RASSF3: variants seen among roughly 807,000 people sequenced by gnomAD.
The protein encoded by RASSF3 is ras association domain-containing protein 3.
A neutral mutation model predicts 19.9 loss-of-function variants in RASSF3; 19 were observed. The observed-to-expected ratio is 0.96, with a 90% CI of 0.67 to 1.40. The LOEUF (loss-of-function observed/expected upper bound fraction) is 1.40, where lower values mean the gene tolerates loss of function less well. RASSF3 is among the 40% of genes most tolerant of loss of function. The pLI is 0.00. For missense variants in RASSF3, 306 were observed against 289.8 expected (o/e 1.06, Z -0.41); for synonymous variants, 110 against 104.2 (o/e 1.06, Z -0.34).
chr12:64,645,880 G>C (rs1871713856), intron 1 of RASSF3, among the ~76,000 whole-genome samples: 1 of 152,148 alleles, frequency 6.6e-6, no homozygotes, highest in East Asian at 1.9e-4. Context: ...CTATGTGACT[G>C]TTCACAATCA....
At chr12:64,587,336 C>T (rs891324209) in intron 2 of RASSF3, among the ~76,000 whole-genome samples, 3 of 152,086 alleles carry the variant, frequency 2.0e-5, no homozygotes, top group Non-Finnish European at 4.4e-5. Flanking sequence ...GGATTACAGG[C>T]GTGAGCCACT....
intron 1 of RASSF3, among the ~76,000 whole-genome samples, chr12:64,518,664 C>G (rs1427343021): frequency 1.3e-5 from 2 of 152,206 alleles, no homozygotes; most frequent in African/African-American, 4.8e-5. Flanking sequence ...GTCTGAGAAG[C>G]ATTGTATACT....
intron 2 of RASSF3, among the ~76,000 whole-genome samples, chr12:64,549,638 C>T (rs180870535): frequency 3.1e-4 from 47 of 152,282 alleles, no homozygotes; most frequent in African/African-American, 1.1e-3. Context: ...GTAGCAAGGC[C>T]TCTACCAAGC....
chr12:64,685,034 A>T (rs768156417), intron 2 of RASSF3, 140 bp downstream of exon 2: 12 of 546,872 alleles, frequency 2.2e-5, no homozygotes, highest in Non-Finnish European at 3.6e-5. Flanking sequence ...AGGAAAGTGG[A>T]ATATTTCTGT....
At chr12:64,664,821 T>G (rs1872493895) in intron 1 of RASSF3, among the ~76,000 whole-genome samples, 1 of 152,234 alleles carries the variant, frequency 6.6e-6, no homozygotes, top group Admixed American at 6.5e-5. Context: ...GTTGCCTCAG[T>G]ACAAGCATTG....
intron 1 of RASSF3, among the ~76,000 whole-genome samples, chr12:64,539,778 AG>A (rs1417360105): frequency 6.6e-6 from 1 of 152,200 alleles, no homozygotes; most frequent in Non-Finnish European, 1.5e-5. Context: ...TTGTCTCAAA[AG>A]AAAAAAAAAA....
intron 2 of RASSF3, among the ~76,000 whole-genome samples, chr12:64,572,864 A>T (rs1314489447): frequency 6.6e-6 from 1 of 152,150 alleles, no homozygotes; most frequent in Non-Finnish European, 1.5e-5. Context: ...TATTTTTGTT[A>T]TGTTAGAGAA....
At chr12:64,668,166 C>A (rs1397074897) in intron 1 of RASSF3, among the ~76,000 whole-genome samples, 3 of 152,196 alleles carry the variant, frequency 2.0e-5, no homozygotes, top group Non-Finnish European at 4.4e-5. Flanking sequence ...TGTTGAATGA[C>A]CTGAACCAGT....
intron 1 of RASSF3, among the ~76,000 whole-genome samples, chr12:64,670,320 GTTATT>G (rs1271010496): frequency 6.7e-6 from 1 of 149,658 alleles, no homozygotes; most frequent in Non-Finnish European, 1.5e-5. Context: ...TATTTCCAAG[GTTATT>G]TTATTTTTTA....
downstream of RASSF3, chr12:64,541,825 G>A: frequency 2.5e-6 from 1 of 395,210 alleles, no homozygotes; most frequent in Non-Finnish European, 4.5e-6. Flanking sequence ...ATCGAGCTCA[G>A]GTTCATTCAT....
At chr12:64,531,015 T>C (rs540023641), upstream of RASSF3, among the ~76,000 whole-genome samples, 1 of 152,346 alleles carries the variant, frequency 6.6e-6, no homozygotes, top group Admixed American at 6.5e-5. Context: ...CTTCTCTTAA[T>C]TGTATCTTTT....
intron 2 of RASSF3, among the ~76,000 whole-genome samples, chr12:64,547,597 A>G (rs1869089985): frequency 1.3e-5 from 2 of 152,058 alleles, no homozygotes; most frequent in Non-Finnish European, 2.9e-5. Context: ...GAAGGGAAGG[A>G]AGGACGGAAG....
intron 1 of RASSF3, among the ~76,000 whole-genome samples, chr12:64,673,517 C>T (rs1168179701): frequency 6.6e-6 from 1 of 152,130 alleles, no homozygotes; most frequent in South Asian, 2.1e-4. Flanking sequence ...CATGAAGACA[C>T]GCCTGCCTTT....
At chr12:64,514,955 ATC>A (rs1043378266) in intron 1 of RASSF3, among the ~76,000 whole-genome samples, 8 of 151,680 alleles carry the variant, frequency 5.3e-5, no homozygotes, top group Non-Finnish European at 4.4e-5. Context: ...TGTTTTCTTT[ATC>A]TCTAATTCTT....
intron 4 of RASSF3, among the ~76,000 whole-genome samples, chr12:64,692,042 A>G (rs995592360): frequency 6.6e-6 from 1 of 152,184 alleles, no homozygotes. Context: ...GCTTTCTAGC[A>G]TCTTTTTTTT....
chr12:64,629,534 A>T (rs919352258), intron 1 of RASSF3, among the ~76,000 whole-genome samples: 1 of 152,200 alleles, frequency 6.6e-6, no homozygotes, highest in Non-Finnish European at 1.5e-5. Context: ...AACAGATCCT[A>T]GTAGTCCTGA....
chr12:64,589,607 T>G (rs1869880704), intron 2 of RASSF3, among the ~76,000 whole-genome samples: 1 of 147,244 alleles, frequency 6.8e-6, no homozygotes, highest in Admixed American at 6.8e-5. Flanking sequence ...AATCAACAAC[T>G]TTTTTTTTTT....
chr12:64,550,558 A>C (rs1377097048), intron 2 of RASSF3, among the ~76,000 whole-genome samples: 1 of 151,990 alleles, frequency 6.6e-6, no homozygotes, highest in Non-Finnish European at 1.5e-5. Flanking sequence ...CCAGAGGCTG[A>C]CGTAGGAGAT....
chr12:64,606,781 C>T (rs1241013843), upstream of RASSF3, among the ~76,000 whole-genome samples: 1 of 152,118 alleles, frequency 6.6e-6, no homozygotes, highest in African/African-American at 2.4e-5. Flanking sequence ...TAGCACTGCA[C>T]TCCAGCCTGG....
Sources: allele counts gnomAD v4.1 joint callset (sites outside exome capture counted in the v4.1 genomes callset), GRCh38; gene constraint gnomAD v4.1.1; transcripts MANE v1.5; gene names NCBI Gene and HGNC (gene_info 2026-07-23, HGNC 2026-07-21).